Variants in AIF1L observed in about 807,000 individuals in gnomAD.
AIF1L encodes allograft inflammatory factor 1 like.
Under a neutral mutation model 20.7 loss-of-function variants are expected in AIF1L, and 12 were observed. The observed-to-expected ratio is 0.58, with a 90% CI of 0.37 to 0.94. The LOEUF (loss-of-function observed/expected upper bound fraction) is 0.94, where lower values mean the gene tolerates loss of function less well. Ranked by LOEUF, AIF1L falls within the 40% of genes least tolerant of loss-of-function variation. The pLI is 0.01. For missense variants in AIF1L, 173 were observed against 185.3 expected, an observed-to-expected ratio of 0.93 and a Z score of 0.39; for synonymous variants, 76 against 65.1, an observed-to-expected ratio of 1.17 and a Z score of -0.81.
intron 2 of AIF1L, among the ~76,000 whole-genome samples, chr9:131,104,897 C>CAAA (rs5900921): frequency 8.9e-6 from 1 of 112,654 alleles, no homozygotes; most frequent in Non-Finnish European, 1.9e-5. Context: ...GACTCTGTCT[C>CAAA]AAAAAAAAAA....
intron 2 of AIF1L, among the ~76,000 whole-genome samples, chr9:131,108,641 A>G (rs1830805716): frequency 6.6e-6 from 1 of 152,244 alleles, no homozygotes. Flanking sequence ...CAAAAGCTAC[A>G]GGACAGCCAG....
chr9:131,113,711 T>C (rs1048370303), intron 3 of AIF1L, among the ~76,000 whole-genome samples: 1 of 151,686 alleles, frequency 6.6e-6, no homozygotes, highest in African/African-American at 2.4e-5. Flanking sequence ...CCTGAAGCCA[T>C]GAGGAAGGGT....
At position 131,096,544 on chromosome 9, in the gene AIF1L, C is replaced by T. The variant is rs965101776; in HGVS notation, c.-86C>T. On this transcript the variant is annotated 5_prime_UTR_variant, in exon 1 of 6. Coordinates refer to ENST00000247291, the MANE Select transcript of AIF1L (RefSeq NM_031426.4). ...GGTCCCGCGGCCACACGCAGCTAGC[C>T]GGAGCCCGGACCAGGCGCCTGTGCC... 5.5e-6 allele frequency: 8 copies of T among 1,444,296 alleles called. No homozygotes were observed. The African/African-American group carries it at 1.2e-4, about 21-fold the overall frequency. The allele number at this position is 1,444,296 out of a possible 1,614,324, so 89.5% of individuals were successfully genotyped here.
intron 2 of AIF1L, among the ~76,000 whole-genome samples, chr9:131,104,474 A>G (rs1307118123): frequency 6.6e-6 from 1 of 152,158 alleles, no homozygotes; most frequent in African/African-American, 2.4e-5. Flanking sequence ...CAGCCAGGCT[A>G]CCTTCTTGTT....
At chr9:131,114,800 C>T (rs1313698491) in intron 4 of AIF1L, among the ~76,000 whole-genome samples, 182 bp downstream of exon 4, 3 of 152,066 alleles carry the variant, frequency 2.0e-5, no homozygotes, top group African/African-American at 7.2e-5. Context: ...CCTCCAGACC[C>T]TTTGATCCCC....
intron 5 of AIF1L, among the ~76,000 whole-genome samples, chr9:131,118,238 A>G (rs1831057080): frequency 6.6e-6 from 1 of 151,480 alleles, no homozygotes; most frequent in African/African-American, 2.4e-5. Flanking sequence ...GATTACAGGC[A>G]TGCACCACTA....
chr9:131,099,341 G>A (rs982118895), intron 2 of AIF1L, among the ~76,000 whole-genome samples: 20 of 152,250 alleles, frequency 1.3e-4, no homozygotes, highest in Non-Finnish European at 2.1e-4. Flanking sequence ...GAAGTGGATG[G>A]AAGCTCTTTG....
chr9:131,111,295 G>C (rs1023511677), intron 2 of AIF1L: 11 of 327,456 alleles, frequency 3.4e-5, no homozygotes, highest in African/African-American at 1.9e-4. Context: ...CTGAAGCTGG[G>C]GTGTCTTGGG....
chr9:131,108,187 GCTGT>G (rs972051232), intron 2 of AIF1L: 3 of 149,516 alleles, frequency 2.0e-5, no homozygotes, highest in African/African-American at 7.4e-5. Flanking sequence ...ACCTTCCTTA[GCTGT>G]CTGTGAACCT....
chr9:131,112,712 T>C (rs1830919872), intron 3 of AIF1L, among the ~76,000 whole-genome samples: 2 of 152,122 alleles, frequency 1.3e-5, no homozygotes. Flanking sequence ...ACTGTTACGC[T>C]ATGATGCTTT....
rs535446984 is a variant in AIF1L, at chr9:131,113,160, G to T, written c.161-1417G>T. Among the ~76,000 whole-genome samples the T allele has an allele frequency of 2.6e-5, 4 of 152,126 alleles. No individual in the cohort carries two copies. In the South Asian group the frequency reaches 8.3e-4, roughly 32 times the overall value. On this transcript the variant is annotated intron_variant, in intron 3 of 5. Coordinates refer to ENST00000247291, the MANE Select transcript of AIF1L (RefSeq NM_031426.4). ...AGGTGCTTCAGTGAGAAATGAGGGA[G>T]GGAGGACAGGAGTGCTCAGCTGTGG...
At position 131,115,310 on chromosome 9, in the gene AIF1L, T is replaced by C. The variant is rs577463714; in HGVS notation, c.202+692T>C. 6.6e-5 allele frequency among the ~76,000 whole-genome samples: 10 copies of C among 150,618 alleles called. No homozygotes were observed. In the South Asian group the frequency reaches 1.5e-3, roughly 22 times the overall value. On this transcript the variant is annotated intron_variant, in intron 4 of 5. Transcript: ENST00000247291. ...ACTAAAAATACAAAAATTAGCTGGGTGTGGTGGCGGGTGCCTGTAATCCCA... is the reference window on the plus strand; with the variant it reads ...ACTAAAAATACAAAAATTAGCTGGGCGTGGTGGCGGGTGCCTGTAATCCCA...
chr9:131,117,238 G>A (rs1330625777), intron 4 of AIF1L, among the ~76,000 whole-genome samples: 4 of 152,180 alleles, frequency 2.6e-5, no homozygotes, highest in Admixed American at 6.5e-5. Flanking sequence ...GGCACGTGGG[G>A]AGAAGCCACC....
At chr9:131,102,278 G>T (rs984959245) in intron 2 of AIF1L, among the ~76,000 whole-genome samples, 2 of 152,102 alleles carry the variant, frequency 1.3e-5, no homozygotes, top group African/African-American at 2.4e-5. Flanking sequence ...GGGTAGGCTG[G>T]GTATCTCTGC....
intron 2 of AIF1L, chr9:131,102,888 C>T (rs1332716472): frequency 6.6e-6 from 3 of 456,180 alleles, no homozygotes; most frequent in Non-Finnish European, 8.8e-6. Context: ...TGGATGGCCT[C>T]CAAGATGGTG....
chr9:131,112,935 C>A (rs1830926055), intron 3 of AIF1L, among the ~76,000 whole-genome samples: 1 of 152,102 alleles, frequency 6.6e-6, no homozygotes, highest in Non-Finnish European at 1.5e-5. Context: ...TTGGGCCAGA[C>A]AGGAAGTTAC....
At chr9:131,109,574 A>C (rs929125914) in intron 2 of AIF1L, among the ~76,000 whole-genome samples, 1 of 152,252 alleles carries the variant, frequency 6.6e-6, no homozygotes, top group East Asian at 1.9e-4. Context: ...AAACAAAAAC[A>C]AAAACAAAAA....
Position 131,096,801 on chromosome 9 carries a change from G to A in AIF1L, c.32-1G>A. The A allele has an allele frequency of 6.5e-7, 1 of 1,534,072 alleles. No individual in the cohort carries two copies. On this transcript the variant is annotated splice_acceptor_variant, in intron 1 of 5. Transcript: ENST00000247291. LOFTEE classifies it high-confidence loss of function. ...CCAGGCCGCCTCTTTGTCTCCTCCA[G>A]GAGGGAAGGCGTTCGGCTTGCTCAA...
At chr9:131,112,984 A>G (rs1830927078) in intron 3 of AIF1L, among the ~76,000 whole-genome samples, 2 of 152,072 alleles carry the variant, frequency 1.3e-5, no homozygotes, top group Non-Finnish European at 2.9e-5. Flanking sequence ...GCACCTGTAC[A>G]TGTGCCAGGA....
Sources: allele counts gnomAD v4.1 joint callset (sites outside exome capture counted in the v4.1 genomes callset), GRCh38; gene constraint gnomAD v4.1.1; transcripts MANE v1.5; gene names NCBI Gene and HGNC (gene_info 2026-07-23, HGNC 2026-07-21).